The following RIMS1 variants were observed in gnomAD, a reference collection of about 807,000 sequenced individuals.
RIMS1 encodes regulating synaptic membrane exocytosis protein 1.
RIMS1 carries 83 observed loss-of-function variants against 214.1 expected under a neutral mutation model. The ratio of observed to expected loss-of-function variants is 0.39; its 90% CI spans 0.32 to 0.47. The LOEUF (loss-of-function observed/expected upper bound fraction) is 0.47, where lower values mean the gene tolerates loss of function less well. RIMS1 is among the 20% of genes least tolerant of loss of function. The pLI is 0.99. For synonymous variants in RIMS1, 793 were observed against 786.8 expected, an observed-to-expected ratio of 1.01 and a Z score of -0.13; for missense variants, 2,050 against 2,161.8, an observed-to-expected ratio of 0.95 and a Z score of 1.03.
intron 4 of RIMS1, among the ~76,000 whole-genome samples, chr6:72,138,879 T>C (rs372892954): frequency 6.6e-6 from 1 of 152,198 alleles, no homozygotes. Flanking sequence ...TACTGCTTGT[T>C]GTGAAGGGCA....
intron 29 of RIMS1, among the ~76,000 whole-genome samples, chr6:72,387,343 TCTATG>T (rs778344502): frequency 2.0e-5 from 3 of 152,200 alleles, no homozygotes; most frequent in Non-Finnish European, 4.4e-5. Flanking sequence ...TAACTGGTGT[TCTATG>T]CAGATTTTAT....
At chr6:72,347,593 T>A (rs2097309738) in intron 29 of RIMS1, among the ~76,000 whole-genome samples, 1 of 151,942 alleles carries the variant, frequency 6.6e-6, no homozygotes, top group Non-Finnish European at 1.5e-5. Context: ...TCCACTTTTA[T>A]TTGACATGAG....
intron 4 of RIMS1, among the ~76,000 whole-genome samples, chr6:72,147,821 G>T (rs1307726822): frequency 6.6e-6 from 1 of 151,980 alleles, no homozygotes; most frequent in East Asian, 1.9e-4. Flanking sequence ...AATACTTCTG[G>T]GTTTTGAACT....
intron 1 of RIMS1, among the ~76,000 whole-genome samples, chr6:71,930,699 T>C (rs913680224): frequency 1.3e-5 from 2 of 152,084 alleles, no homozygotes; most frequent in African/African-American, 4.8e-5. Context: ...AACTCGAAAT[T>C]CCTTTTCATA....
chr6:72,236,419 A>G (rs975479175), intron 8 of RIMS1, among the ~76,000 whole-genome samples: 2 of 152,166 alleles, frequency 1.3e-5, no homozygotes, highest in Non-Finnish European at 2.9e-5. Context: ...CAGTCTTTAT[A>G]GTCATAGACC....
chr6:71,980,512 C>A (rs1182823918), intron 2 of RIMS1, among the ~76,000 whole-genome samples: 2 of 152,008 alleles, frequency 1.3e-5, no homozygotes, highest in Non-Finnish European at 1.5e-5. Flanking sequence ...GGAATACAAA[C>A]CTGTGAAAGG....
chr6:72,212,654 A>T (rs1271695859), intron 6 of RIMS1, among the ~76,000 whole-genome samples: 1 of 152,190 alleles, frequency 6.6e-6, no homozygotes, highest in Non-Finnish European at 1.5e-5. Flanking sequence ...TCCACAAATA[A>T]GCTCACAGCA....
At chr6:72,029,603 T>C (rs1342541422) in intron 2 of RIMS1, among the ~76,000 whole-genome samples, 1 of 152,156 alleles carries the variant, frequency 6.6e-6, no homozygotes, top group Non-Finnish European at 1.5e-5. Flanking sequence ...AATAAATTTC[T>C]GTTATTTATA....
rs913674968 is a variant in RIMS1, at chr6:71,968,973, T to C, written c.165-10T>C. Reference sequence around the variant, plus strand: ...TAATAGTGCGTTGTGCTGTCTATCATGCGCCCCAGGTGTGTTGTCAGGGAC... The same window carrying C: ...TAATAGTGCGTTGTGCTGTCTATCACGCGCCCCAGGTGTGTTGTCAGGGAC... On this transcript the variant is annotated splice_polypyrimidine_tract_variant and intron_variant, in intron 1 of 33. Coordinates refer to ENST00000521978, the MANE Select transcript of RIMS1 (RefSeq NM_014989.7). The C allele has an allele frequency of 6.2e-7, 1 of 1,613,514 alleles. No individual in the cohort carries two copies. The highest frequency in any genetic ancestry group is 8.5e-7 in the Non-Finnish European group (1 of 1,179,408).
chr6:71,921,354 C>T (rs1424785435), intron 1 of RIMS1, among the ~76,000 whole-genome samples: 1 of 152,138 alleles, frequency 6.6e-6, no homozygotes, highest in Non-Finnish European at 1.5e-5. Flanking sequence ...CCCCTGACCT[C>T]GTGATCCACC....
chr6:72,319,269 G>A (rs2096012697), intron 28 of RIMS1, among the ~76,000 whole-genome samples: 1 of 151,968 alleles, frequency 6.6e-6, no homozygotes, highest in Non-Finnish European at 1.5e-5. Context: ...GCCAAGAACT[G>A]GAAAACTTTC....
At chr6:72,214,784 C>T (rs1396787378) in intron 6 of RIMS1, among the ~76,000 whole-genome samples, 6 of 151,590 alleles carry the variant, frequency 4.0e-5, no homozygotes, top group African/African-American at 9.7e-5. Context: ...TGCAATGGTG[C>T]GATCTTGGCT....
At chr6:72,347,927 A>G (rs986400795) in intron 29 of RIMS1, among the ~76,000 whole-genome samples, 11 of 151,940 alleles carry the variant, frequency 7.2e-5, no homozygotes, top group Non-Finnish European at 1.2e-4. Flanking sequence ...GAAGTAAATC[A>G]AGGGTAATGA....
In RIMS1 at chr6:72,045,229, T is replaced by G. The variant is rs142911032; in HGVS notation, c.246-51720T>G. Among the ~76,000 whole-genome samples the G allele has an allele frequency of 5.3e-3, 804 of 152,034 alleles. 9 individuals are homozygous for G. The highest frequency in any genetic ancestry group is 0.018 in the African/African-American group (752 of 41,540). On this transcript the variant is annotated intron_variant, in intron 2 of 33. Coordinates refer to ENST00000521978, the MANE Select transcript of RIMS1 (RefSeq NM_014989.7). ...AGGGATATAAGGGTACTTGTAAAGA[T>G]GATAATGTTTTATATCTTTATTGTC...
In RIMS1 at chr6:72,119,064, C is replaced by T. The variant is rs146479959; in HGVS notation, c.471+19078C>T. On this transcript the variant is annotated intron_variant, in intron 4 of 33. Coordinates refer to ENST00000521978, the MANE Select transcript of RIMS1 (RefSeq NM_014989.7). ...TGTTCGCCAATGATATGATTGTATA[C>T]CTAAAAAACCTTAAAGACTCATCCA... is the stretch of plus-strand genomic sequence containing the variant. Among the ~76,000 whole-genome samples, 1,278 of 151,700 alleles carry T rather than the reference C, an allele frequency of 8.4e-3. 36 individuals carry two copies. The highest frequency in any genetic ancestry group is 0.015 in the Non-Finnish European group (1,017 of 67,742).
chr6:72,385,685 AC>A (rs1159415061), intron 29 of RIMS1, among the ~76,000 whole-genome samples: 1 of 152,222 alleles, frequency 6.6e-6, no homozygotes, highest in East Asian at 1.9e-4. Context: ...TTGCTGTATT[AC>A]CAGCATCTGG....
intron 28 of RIMS1, chr6:72,316,662 C>G (rs566381344): frequency 1.8e-6 from 1 of 555,756 alleles, no homozygotes; most frequent in Non-Finnish European, 3.5e-6. Flanking sequence ...CATGGCTGAC[C>G]CAAATGTCAT....
At chr6:72,134,485 A>T in intron 4 of RIMS1, among the ~76,000 whole-genome samples, 1 of 152,108 alleles carries the variant, frequency 6.6e-6, no homozygotes, top group Middle Eastern at 3.5e-3. Context: ...TAACAGAAAA[A>T]CATAGTTAGG....
intron 2 of RIMS1, among the ~76,000 whole-genome samples, chr6:72,088,302 G>T (rs1363275056): frequency 2.0e-5 from 3 of 151,508 alleles, no homozygotes; most frequent in Non-Finnish European, 2.9e-5. Flanking sequence ...AGGCTGAAGT[G>T]CAATGGCCTG....
Sources: allele counts gnomAD v4.1 joint callset (sites outside exome capture counted in the v4.1 genomes callset), GRCh38; gene constraint gnomAD v4.1.1; transcripts MANE v1.5; gene names NCBI Gene and HGNC (gene_info 2026-07-23, HGNC 2026-07-21).